The following EPHA3 variants were observed in gnomAD, a reference collection of about 807,000 sequenced individuals.
EPHA3 encodes the protein ephrin type-A receptor 3.
EPHA3 carries 42 observed loss-of-function variants against 107.1 expected under a neutral mutation model. The observed-to-expected ratio is 0.39, with a 90% CI of 0.31 to 0.51. EPHA3 has a LOEUF of 0.51. EPHA3 is among the 20% of genes least tolerant of loss of function. The probability of loss-of-function intolerance (pLI) is 0.78; values close to 1 mark genes in which losing one functional copy is unlikely to be tolerated. For synonymous variants in EPHA3, 461 were observed against 424.8 expected (o/e 1.09, Z -1.05); for missense variants, 1,183 against 1,211.2 (o/e 0.98, Z 0.35).
At chr3:89,389,604 T>G (rs532780646) in intron 5 of EPHA3, among the ~76,000 whole-genome samples, 11 of 152,342 alleles carry the variant, frequency 7.2e-5, no homozygotes, top group African/African-American at 2.2e-4. Flanking sequence ...GGGTTGAATT[T>G]TGAAGTTTTC....
At chr3:89,469,796 C>G (rs772340959) in intron 15 of EPHA3, among the ~76,000 whole-genome samples, 2 of 152,046 alleles carry the variant, frequency 1.3e-5, no homozygotes, top group Non-Finnish European at 2.9e-5. Context: ...AAATTAGCCC[C>G]TTAGAGACCT....
At chr3:89,392,942 C>T (rs1404317250) in intron 5 of EPHA3, among the ~76,000 whole-genome samples, 1 of 151,986 alleles carries the variant, frequency 6.6e-6, no homozygotes, top group Non-Finnish European at 1.5e-5. Flanking sequence ...CAATGGAGTG[C>T]CCAGAGAATT....
chr3:89,381,822 A>G (rs534293041), intron 5 of EPHA3, among the ~76,000 whole-genome samples: 1 of 152,252 alleles, frequency 6.6e-6, no homozygotes, highest in South Asian at 2.1e-4. Context: ...ATGATGCTAG[A>G]ATGCGCAATC....
At chr3:89,449,588 T>C (rs1576384426) in intron 14 of EPHA3, among the ~76,000 whole-genome samples, 1 of 152,128 alleles carries the variant, frequency 6.6e-6, no homozygotes, top group East Asian at 1.9e-4. Flanking sequence ...GGTTTAGAAA[T>C]AAGACAAAAG....
At chr3:89,455,066 C>A (rs1710070087) in intron 15 of EPHA3, among the ~76,000 whole-genome samples, 1 of 152,048 alleles carries the variant, frequency 6.6e-6, no homozygotes, top group Non-Finnish European at 1.5e-5. Context: ...TTATCTTATT[C>A]AAATAAATTT....
At chr3:89,391,379 AT>A (rs1245502530) in intron 5 of EPHA3, among the ~76,000 whole-genome samples, 2 of 91,214 alleles carry the variant, frequency 2.2e-5, no homozygotes, top group African/African-American at 8.7e-5. Context: ...CTTTATTTGT[AT>A]TTTTTTCTTT....
intron 15 of EPHA3, among the ~76,000 whole-genome samples, chr3:89,457,617 G>A (rs776458350): frequency 7.2e-5 from 11 of 152,132 alleles, no homozygotes; most frequent in African/African-American, 1.7e-4. Context: ...GTTGGGGACC[G>A]CTGCGATAGA....
chr3:89,116,752 G>T (rs936685398), intron 1 of EPHA3, among the ~76,000 whole-genome samples: 10 of 147,252 alleles, frequency 6.8e-5, no homozygotes, highest in African/African-American at 2.5e-4. Flanking sequence ...CTAATGTGGT[G>T]GTTAACCAAA....
chr3:89,426,885 C>A (rs1209731913), intron 11 of EPHA3, among the ~76,000 whole-genome samples: 1 of 151,828 alleles, frequency 6.6e-6, no homozygotes, highest in Non-Finnish European at 1.5e-5. Context: ...TTCATTCATT[C>A]ATTTATTCAT....
chr3:89,398,523 C>G (rs1040246247), intron 6 of EPHA3, among the ~76,000 whole-genome samples: 10 of 151,960 alleles, frequency 6.6e-5, no homozygotes, highest in African/African-American at 2.4e-4. Context: ...TACAGTTAAG[C>G]TAAAAATAAT....
chr3:89,376,808 TAGTTAGCA>T (rs2107478643), intron 5 of EPHA3, among the ~76,000 whole-genome samples: 1 of 152,184 alleles, frequency 6.6e-6, no homozygotes, highest in Non-Finnish European at 1.5e-5. Context: ...TGAACATTGG[TAGTTAGCA>T]ATTTGTAGTT....
intron 5 of EPHA3, among the ~76,000 whole-genome samples, chr3:89,361,851 G>A (rs1361802691): frequency 2.0e-5 from 3 of 150,968 alleles, no homozygotes; most frequent in Non-Finnish European, 4.4e-5. Context: ...TTCCCTCTTT[G>A]TTACTTCTCC....
chr3:89,122,456 T>C (rs1249600216), intron 1 of EPHA3, among the ~76,000 whole-genome samples: 1 of 152,190 alleles, frequency 6.6e-6, no homozygotes, highest in Non-Finnish European at 1.5e-5. Context: ...AATAATTATT[T>C]ATAACTCAGT....
chr3:89,347,621 A>ATTG (rs1707703180), intron 5 of EPHA3, among the ~76,000 whole-genome samples: 1 of 150,152 alleles, frequency 6.7e-6, no homozygotes, highest in East Asian at 1.9e-4. Flanking sequence ...TCTCCTGCCT[A>ATTG]ATTGCCCTGG....
chr3:89,184,912 C>T (rs1243077699), intron 2 of EPHA3, among the ~76,000 whole-genome samples: 2 of 151,998 alleles, frequency 1.3e-5, no homozygotes, highest in Non-Finnish European at 2.9e-5. Flanking sequence ...GTGTCCATTA[C>T]CAACAGGGAG....
chr3:89,141,242 G>A (rs1176821009), intron 2 of EPHA3, among the ~76,000 whole-genome samples: 1 of 151,516 alleles, frequency 6.6e-6, no homozygotes, highest in Non-Finnish European at 1.5e-5. Flanking sequence ...CCATCTTAAT[G>A]CAAAATTGTT....
At chr3:89,434,729 T>G (rs114974989) in intron 13 of EPHA3, among the ~76,000 whole-genome samples, 1 of 152,174 alleles carries the variant, frequency 6.6e-6, no homozygotes, top group Non-Finnish European at 1.5e-5. Flanking sequence ...AGAAGAAAAG[T>G]GTCGTATGGA....
chr3:89,108,097 C>CAGAA (rs762635878), intron 1 of EPHA3, among the ~76,000 whole-genome samples: 1 of 151,926 alleles, frequency 6.6e-6, no homozygotes, highest in African/African-American at 2.4e-5. Context: ...CCAATTTGAG[C>CAGAA]AGAAAGAAAG....
chr3:89,130,374 T>C (rs1704180386), intron 2 of EPHA3, among the ~76,000 whole-genome samples: 1 of 152,184 alleles, frequency 6.6e-6, no homozygotes, highest in East Asian at 1.9e-4. Context: ...AAGCTCTAAA[T>C]TCCAAATCTG....
Sources: allele counts gnomAD v4.1 joint callset (sites outside exome capture counted in the v4.1 genomes callset), GRCh38; gene constraint gnomAD v4.1.1; transcripts MANE v1.5; gene names NCBI Gene and HGNC (gene_info 2026-07-23, HGNC 2026-07-21).